The following TASP1 variants were observed in gnomAD, a reference collection of about 807,000 sequenced individuals.
The protein encoded by TASP1 is taspase 1.
Under a neutral mutation model 56.6 loss-of-function variants are expected in TASP1, and 16 were observed. That is an observed-to-expected ratio of 0.28 (90% CI 0.19 to 0.43). The LOEUF (loss-of-function observed/expected upper bound fraction) is 0.43, where lower values mean the gene tolerates loss of function less well. TASP1 is among the 20% of genes least tolerant of loss of function. TASP1 has a pLI of 1.00. For missense variants in TASP1, 393 were observed against 511.6 expected (o/e 0.77, Z 2.24); for synonymous variants, 179 against 184.2 (o/e 0.97, Z 0.23).
the TASP1 span, among the ~76,000 whole-genome samples, chr20:13,380,138 G>C: frequency 7.2e-5 from 11 of 152,098 alleles, no homozygotes; most frequent in African/African-American, 2.7e-4. Flanking sequence ...GTGATCCTTG[G>C]GAGGAGAAGA....
the TASP1 span, among the ~76,000 whole-genome samples, chr20:13,364,489 A>C: frequency 6.6e-6 from 1 of 152,132 alleles, no homozygotes; most frequent in African/African-American, 2.4e-5. Context: ...GAGGCTGATT[A>C]GGTCTTGTCA....
chr20:13,370,368 A>G, the TASP1 span, among the ~76,000 whole-genome samples: 15 of 152,272 alleles, frequency 9.9e-5, no homozygotes, highest in African/African-American at 3.4e-4. Flanking sequence ...ATTAACATGA[A>G]CTTTATTGGT....
intron 7 of TASP1, among the ~76,000 whole-genome samples, chr20:13,563,440 C>T (rs1258962776): frequency 1.3e-5 from 2 of 152,006 alleles, no homozygotes; most frequent in African/African-American, 4.8e-5. Context: ...ATCCTAATAC[C>T]AAAACCATAC....
At chr20:13,325,260 T>TAG in the TASP1 span, among the ~76,000 whole-genome samples, 1 of 152,206 alleles carries the variant, frequency 6.6e-6, no homozygotes, top group Non-Finnish European at 1.5e-5. Flanking sequence ...ATCAAGAAGT[T>TAG]AGAGGTCTCA....
chr20:13,221,402 C>G, the TASP1 span, among the ~76,000 whole-genome samples: 1 of 146,736 alleles, frequency 6.8e-6, no homozygotes, highest in Non-Finnish European at 1.5e-5. Context: ...CCCGCAGCCC[C>G]CTGCCAGCAG....
chr20:13,279,047 T>C, the TASP1 span, among the ~76,000 whole-genome samples: 1 of 152,186 alleles, frequency 6.6e-6, no homozygotes, highest in Non-Finnish European at 1.5e-5. Context: ...ACATGGCTAA[T>C]GCAGATCTCC....
intron 4 of TASP1, among the ~76,000 whole-genome samples, chr20:13,590,402 C>T (rs916919978): frequency 2.0e-5 from 3 of 152,054 alleles, no homozygotes; most frequent in Non-Finnish European, 4.4e-5. Context: ...TAATATGGCC[C>T]ACAACCAGAA....
chr20:13,254,452 A>C, the TASP1 span, among the ~76,000 whole-genome samples: 2 of 150,934 alleles, frequency 1.3e-5, no homozygotes, highest in Non-Finnish European at 2.9e-5. Flanking sequence ...AGAGAGCAAA[A>C]TACCTGCCCC....
chr20:13,508,261 A>G (rs1352624203), intron 10 of TASP1, among the ~76,000 whole-genome samples: 2 of 152,138 alleles, frequency 1.3e-5, no homozygotes, highest in African/African-American at 4.8e-5. Context: ...GACTACATCA[A>G]ACTGAAAGGT....
At chr20:13,207,885 C>T in the TASP1 span, among the ~76,000 whole-genome samples, 16 of 151,926 alleles carry the variant, frequency 1.1e-4, no homozygotes, top group Admixed American at 4.6e-4. Context: ...ATCGATATAT[C>T]AGTTGGGCAG....
chr20:13,282,616 G>A, the TASP1 span, among the ~76,000 whole-genome samples: 1 of 152,108 alleles, frequency 6.6e-6, no homozygotes, highest in African/African-American at 2.4e-5. Context: ...AGCATGCCTG[G>A]GCCATGGAGA....
At chr20:13,408,903 T>G (rs931829814) in intron 13 of TASP1, among the ~76,000 whole-genome samples, 1 of 152,094 alleles carries the variant, frequency 6.6e-6, no homozygotes, top group South Asian at 2.1e-4. Context: ...TTTTATCAAT[T>G]TCACTAATTT....
chr20:13,473,903 T>C (rs1390146633), intron 11 of TASP1, among the ~76,000 whole-genome samples: 2 of 152,056 alleles, frequency 1.3e-5, no homozygotes, highest in African/African-American at 4.8e-5. Flanking sequence ...TGAGACCCTG[T>C]CTCCATAGAA....
the TASP1 span, among the ~76,000 whole-genome samples, chr20:13,338,346 C>T: frequency 6.6e-6 from 1 of 152,124 alleles, no homozygotes; most frequent in East Asian, 1.9e-4. Flanking sequence ...ACTTTCATCG[C>T]CATCTTGGTT....
At chr20:13,276,151 C>A in the TASP1 span, among the ~76,000 whole-genome samples, 1 of 152,202 alleles carries the variant, frequency 6.6e-6, no homozygotes, top group Non-Finnish European at 1.5e-5. Flanking sequence ...TCCTTCAATG[C>A]TCTGTGCTCC....
At chr20:13,632,364 CAAAAAAA>C (rs565886595) in intron 1 of TASP1, among the ~76,000 whole-genome samples, 14 of 47,990 alleles carry the variant, frequency 2.9e-4, no homozygotes, top group African/African-American at 1.1e-3. Context: ...GACTCCATCT[CAAAAAAA>C]AAAAAAAAGA....
intron 4 of TASP1, among the ~76,000 whole-genome samples, chr20:13,609,495 C>T (rs905753775): frequency 1.3e-5 from 2 of 151,946 alleles, no homozygotes; most frequent in Non-Finnish European, 2.9e-5. Context: ...ATCAGCCTGG[C>T]CAACATGGTG....
intron 6 of TASP1, among the ~76,000 whole-genome samples, chr20:13,577,461 T>C (rs1219769994): frequency 6.6e-6 from 1 of 152,168 alleles, no homozygotes; most frequent in Non-Finnish European, 1.5e-5. Flanking sequence ...CTGAATTGTG[T>C]CCACCCAAAA....
intron 5 of TASP1, among the ~76,000 whole-genome samples, chr20:13,584,569 A>G (rs563681760): frequency 6.6e-6 from 1 of 152,286 alleles, no homozygotes; most frequent in Admixed American, 6.5e-5. Flanking sequence ...ACAAATAAAT[A>G]ACCAAATTGA....
Sources: allele counts gnomAD v4.1 joint callset (sites outside exome capture counted in the v4.1 genomes callset), GRCh38; gene constraint gnomAD v4.1.1; transcripts MANE v1.5; gene names NCBI Gene and HGNC (gene_info 2026-07-23, HGNC 2026-07-21).